Variants in GBF1 observed in about 807,000 individuals in gnomAD.
GBF1 encodes the protein Golgi-specific brefeldin A-resistance guanine nucleotide exchange factor 1.
A neutral mutation model predicts 210.5 loss-of-function variants in GBF1; 114 were observed. That is an observed-to-expected ratio of 0.54 (90% CI 0.47 to 0.63). The LOEUF (loss-of-function observed/expected upper bound fraction) is 0.63. Among genes scored for constraint, GBF1 ranks in the 30% least tolerant of loss-of-function variants. The probability of loss-of-function intolerance (pLI) is 0.00; values close to 1 mark genes in which losing one functional copy is unlikely to be tolerated. For missense variants in GBF1, 1,851 were observed against 2,357.7 expected, an observed-to-expected ratio of 0.79 and a Z score of 4.45; for synonymous variants, 850 against 889.2, an observed-to-expected ratio of 0.96 and a Z score of 0.78.
intron 3 of GBF1, among the ~76,000 whole-genome samples, chr10:102,276,620 A>C (rs2075003628): frequency 6.6e-6 from 1 of 152,078 alleles, no homozygotes; most frequent in African/African-American, 2.4e-5. Context: ...TTTTATTTAG[A>C]GAATGGGAGA....
chr10:102,330,534 A>C (rs1403666290), intron 3 of GBF1, among the ~76,000 whole-genome samples: 1 of 151,956 alleles, frequency 6.6e-6, no homozygotes, highest in Non-Finnish European at 1.5e-5. Context: ...AAATACAAAA[A>C]TTAGCTGGGT....
At chr10:102,302,145 A>G (rs1430561052) in intron 3 of GBF1, among the ~76,000 whole-genome samples, 1 of 152,214 alleles carries the variant, frequency 6.6e-6, no homozygotes, top group Non-Finnish European at 1.5e-5. Context: ...CGCGCCTGCA[A>G]TCCCAGGCAC....
At position 102,382,494 on chromosome 10, in the gene GBF1, G is replaced by T. The variant is rs532803918; in HGVS notation, c.*158G>T. 1.8e-4 allele frequency: 109 copies of T among 620,168 alleles called. 1 individual carries two copies. The South Asian group carries it at 2.3e-3, about 13-fold the overall frequency. 38.4% of individuals were successfully genotyped at this position (620,168 alleles called of 1,614,324 possible). A position where few individuals can be genotyped will look rare whatever the true frequency, so the allele number is the denominator to read the frequency against. On this transcript the variant is annotated 3_prime_UTR_variant, in exon 40 of 40. Transcript: ENST00000369983. Reference sequence around the variant, plus strand: ...GAAAAAGAGAATGTTGATAGCCCCAGCTAAGACCCCCAATCAGCTGTGGGA... The same window carrying T: ...GAAAAAGAGAATGTTGATAGCCCCATCTAAGACCCCCAATCAGCTGTGGGA...
intron 3 of GBF1, among the ~76,000 whole-genome samples, chr10:102,340,512 A>G (rs973789346): frequency 2.0e-5 from 3 of 150,522 alleles, no homozygotes; most frequent in Admixed American, 2.0e-4. Context: ...TGACCTTGTG[A>G]TCCGCCTGCC....
intron 3 of GBF1, among the ~76,000 whole-genome samples, chr10:102,299,743 T>G (rs1055996075): frequency 8.5e-5 from 13 of 152,098 alleles, no homozygotes; most frequent in South Asian, 6.2e-4. Flanking sequence ...AAGATCACGC[T>G]GTTGCACTCC....
chr10:102,287,426 G>T (rs566867731), intron 3 of GBF1, among the ~76,000 whole-genome samples: 1 of 124,782 alleles, frequency 8.0e-6, no homozygotes, highest in Non-Finnish European at 1.6e-5. Context: ...GGGCTCAAGT[G>T]ATCCTCCCAC....
chr10:102,260,043 T>A lies in GBF1; in HGVS notation c.97-7T>A. 1 of 1,552,642 alleles carries A rather than the reference T, an allele frequency of 6.4e-7. No individual in the cohort carries two copies. The highest frequency in any genetic ancestry group is 2.2e-5 in the East Asian group (1 of 44,486). The stretch of plus-strand genomic sequence containing the variant: ...TAATGACTTACTTTAATCTATGTGT[T>A]CTACAGGATGAAGAACGGGATCCTC... On this transcript the variant is annotated splice_region_variant and splice_polypyrimidine_tract_variant and intron_variant, in intron 2 of 39. Transcript: ENST00000369983.
At chr10:102,267,606 G>A (rs765869800) in intron 3 of GBF1, among the ~76,000 whole-genome samples, 2 of 152,148 alleles carry the variant, frequency 1.3e-5, no homozygotes, top group African/African-American at 4.8e-5. Flanking sequence ...TCCTACAGGG[G>A]TCTATAGTTT....
chr10:102,270,495 G>A (rs2074301731), intron 3 of GBF1, among the ~76,000 whole-genome samples: 2 of 152,128 alleles, frequency 1.3e-5, no homozygotes, highest in Non-Finnish European at 2.9e-5. Flanking sequence ...AGCAAAAATT[G>A]AAAGAATACC....
intron 3 of GBF1, among the ~76,000 whole-genome samples, chr10:102,333,834 T>C (rs1212588053): frequency 6.6e-6 from 1 of 152,176 alleles, no homozygotes; most frequent in Non-Finnish European, 1.5e-5. Flanking sequence ...ATCTTGACTT[T>C]TGCAAGAAAT....
chr10:102,381,930 T>TG (rs2060882752), intron 39 of GBF1, 126 bp from the exon 40 acceptor site: 11 of 662,758 alleles, frequency 1.7e-5, no homozygotes, highest in Middle Eastern at 3.6e-4. Flanking sequence ...TTTAGGCTGG[T>TG]GGGGGGCCGT....
At chr10:102,269,918 A>C (rs1281623648) in intron 3 of GBF1, among the ~76,000 whole-genome samples, 7 of 148,554 alleles carry the variant, frequency 4.7e-5, no homozygotes, top group Non-Finnish European at 1.0e-4. Context: ...TTGCTCTGTC[A>C]CCGCGGCTAG....
chr10:102,238,725 T>C, the GBF1 span, among the ~76,000 whole-genome samples: 2 of 152,202 alleles, frequency 1.3e-5, no homozygotes, highest in African/African-American at 4.8e-5. Flanking sequence ...CTGGAGTGCC[T>C]ATCCCCATTA....
intron 7 of GBF1, 43 bp downstream of exon 7, chr10:102,352,561 CTT>C (rs1491258409): frequency 1.7e-5 from 24 of 1,387,222 alleles, no homozygotes; most frequent in East Asian, 2.3e-5. Flanking sequence ...GCCCAGGCCT[CTT>C]GAGTCTGCCT....
At chr10:102,314,883 C>T (rs2078801132) in intron 3 of GBF1, among the ~76,000 whole-genome samples, 1 of 152,118 alleles carries the variant, frequency 6.6e-6, no homozygotes, top group Admixed American at 6.6e-5. Flanking sequence ...TTTGTGAAAC[C>T]TCTCATTAAC....
chr10:102,310,088 T>C (rs2078274732), intron 3 of GBF1, among the ~76,000 whole-genome samples: 1 of 152,214 alleles, frequency 6.6e-6, no homozygotes, highest in Non-Finnish European at 1.5e-5. Flanking sequence ...TTACGGTATT[T>C]AGGTGGATTT....
chr10:102,230,692 G>A, the GBF1 span: 1 of 1,568,448 alleles, frequency 6.4e-7, no homozygotes. Flanking sequence ...CGCGGCGGCG[G>A]CGGCGGCCGA....
chr10:102,370,618 A>G, intron 28 of GBF1, 89 bp from the exon 29 acceptor site: 1 of 1,379,758 alleles, frequency 7.2e-7, no homozygotes, highest in Non-Finnish European at 1.0e-6. Flanking sequence ...CTTAGGGTAT[A>G]ATACCAATGA....
Position 102,368,240 on chromosome 10 carries a change from G to T in GBF1, c.2665G>T (p.Glu889Ter). The T allele has an allele frequency of 6.2e-7, 1 of 1,613,412 alleles. No individual in the cohort carries two copies. The highest frequency in any genetic ancestry group is 8.5e-7 in the Non-Finnish European group (1 of 1,179,344). Residue 889 changes from glutamate (E) to a stop codon, truncating the protein, a stop_gained, in exon 22 of 40, where the codon GAG becomes TAG. Transcript: ENST00000369983. LOFTEE classifies it high-confidence loss of function. ...CAGGAATGAGGAAATTGTAATGCCT[G>T]AGGAGCAGACAGGCTTGGTTCGGGA... is the stretch of plus-strand genomic sequence containing the variant. ...AIKNEEIVMPEEQTGLVRENY... is the reference protein window; with the variant it reads ...AIKNEEIVMP
Sources: gnomAD v4.1 joint callset for allele counts (sites outside exome capture counted in the v4.1 genomes callset) on GRCh38, gnomAD v4.1.1 for gene constraint, MANE v1.5 for transcripts, NCBI Gene and HGNC (gene_info 2026-07-23, HGNC 2026-07-21) for gene names.